The following TRRAP variants were observed in gnomAD, a reference collection of about 807,000 sequenced individuals.
TRRAP encodes transformation/transcription domain associated protein.
In TRRAP, 41 loss-of-function variants were observed where a neutral mutation model predicts 438.8. The observed-to-expected ratio is 0.09, with a 90% CI of 0.07 to 0.12. The LOEUF (loss-of-function observed/expected upper bound fraction) is 0.12. Among genes scored for constraint, TRRAP ranks in the 10% least tolerant of loss-of-function variants. TRRAP has a pLI of 1.00. For missense variants in TRRAP, 3,122 were observed against 5,055.1 expected, an observed-to-expected ratio of 0.62 and a Z score of 11.60; for synonymous variants, 1,994 against 1,962.9, an observed-to-expected ratio of 1.02 and a Z score of -0.42.
At chr7:98,880,193 G>A (rs941890322) in intron 1 of TRRAP, among the ~76,000 whole-genome samples, 5 of 151,800 alleles carry the variant, frequency 3.3e-5, no homozygotes, top group Non-Finnish European at 7.4e-5. Flanking sequence ...CTGAAGTTTG[G>A]AAACCAGTCA....
Position 98,910,320 on chromosome 7 carries a change from C to A in TRRAP, c.1615C>A (p.Gln539Lys), listed in dbSNP as rs1378801174. 7 of 1,609,752 alleles carry A rather than the reference C, an allele frequency of 4.3e-6. No individual in the cohort carries two copies. The highest frequency in any genetic ancestry group is 1.3e-5 in the African/African-American group (1 of 74,618). Residue 539 changes from glutamine (Q) to lysine (K), a missense_variant, in exon 15 of 73, where the codon CAG becomes AAG. Around this residue, in one of 24 missense-constraint regions of TRRAP, gnomAD observed 115 missense variants for 124.6 expected, o/e 0.92. Transcript: ENST00000456197. ...KQGEKDKEDK[Q>K]TFQVTDCRSL... ...AGGAGAAAAGGACAAGGAAGACAAG[C>A]AGACATTCCAAGTCACAGACTGTCG...
Position 99,011,578 on chromosome 7 carries a change from A to C in TRRAP, c.11337+43A>C. The C allele has an allele frequency of 1.3e-6, 2 of 1,586,886 alleles. No homozygotes were observed. Among genetic ancestry groups the C allele is most frequent in the South Asian group, 1.2e-5 (1 of 86,178 alleles). ...CCTATCACAGGCGCAGGCTAGAGCC[A>C]CTCAGATGCCCGCGCGTCACGGCCT... On this transcript the variant is annotated intron_variant, in intron 72 of 72. Transcript: ENST00000456197. This position sits in a 1 kb window ranked among gnomAD's most constrained non-coding sequence, Gnocchi z 7.1.
Position 98,992,241 on chromosome 7 carries a change from G to A in TRRAP, c.9847+14G>A, listed in dbSNP as rs1009156031. The A allele has an allele frequency of 6.2e-7, 1 of 1,613,478 alleles. No homozygotes were observed. Among genetic ancestry groups the A allele is most frequent in the Non-Finnish European group, 8.5e-7 (1 of 1,179,874 alleles). On this transcript the variant is annotated intron_variant, in intron 65 of 72. Coordinates refer to ENST00000456197, the MANE Select transcript of TRRAP (RefSeq NM_001375524.1). Reference sequence around the variant, plus strand: ...GCTACAAGAGCGGTACGTCTCGGGTGGGGCCGGTAGGCCAGGCCGGGAAGG... The same window carrying A: ...GCTACAAGAGCGGTACGTCTCGGGTAGGGCCGGTAGGCCAGGCCGGGAAGG...
intron 51 of TRRAP, among the ~76,000 whole-genome samples, chr7:98,967,918 A>G (rs1039281055): frequency 3.3e-5 from 5 of 152,216 alleles, no homozygotes; most frequent in African/African-American, 1.2e-4. Context: ...GTTGAATAGT[A>G]TATTTTTGTA....
At chr7:98,932,870 C>T (rs1790386664) in intron 26 of TRRAP, among the ~76,000 whole-genome samples, 1 of 152,128 alleles carries the variant, frequency 6.6e-6, no homozygotes, top group African/African-American at 2.4e-5. Flanking sequence ...GCTAGCTCTA[C>T]CGTTGTGCCT....
At position 98,929,975 on chromosome 7, in the gene TRRAP, A is replaced by G. The variant is rs1554412430; in HGVS notation, c.3176-14A>G. On this transcript the variant is annotated splice_polypyrimidine_tract_variant and intron_variant, in intron 23 of 72. Transcript: ENST00000456197. The stretch of plus-strand genomic sequence containing the variant: ...CAAGACTGTTCTCACGTGCCTTCCC[A>G]TCTCTCCTTTTAGGCCCTTTCTTGC... The G allele has an allele frequency of 6.2e-7, 1 of 1,613,424 alleles. No individual in the cohort carries two copies. The highest frequency in any genetic ancestry group is 8.5e-7 in the Non-Finnish European group (1 of 1,179,580).
rs2116514919 is a variant in TRRAP at position 98,931,333 on chromosome 7, G to A, written c.3592-72G>A. 3.8e-6 allele frequency: 6 copies of A among 1,568,836 alleles called. No individual in the cohort carries two copies. The Middle Eastern group carries it at 1.1e-3, about 287-fold the overall frequency. On this transcript the variant is annotated intron_variant, in intron 25 of 72. Transcript: ENST00000456197. ...CCAGTGACAGTCTTTATGGCAGACA[G>A]GTGTGCAGGAGACGGCAGTTGCAGT...
chr7:98,931,620 G>T lies in TRRAP; in HGVS notation c.3807G>T (p.Gln1269His). The T allele has an allele frequency of 1.2e-6, 2 of 1,614,202 alleles. No homozygotes were observed. Residue 1269 changes from glutamine (Q) to histidine (H), a missense_variant, in exon 26 of 73, where the codon CAG becomes CAT. Physicochemically the swap from Gln to His is conservative, Grantham distance 24 (BLOSUM62 0). Coordinates refer to ENST00000456197, the MANE Select transcript of TRRAP (RefSeq NM_001375524.1). Reference protein sequence around the residue: ...QAMHSLQVLAQVTGKSVTVIM... With the variant: ...QAMHSLQVLAHVTGKSVTVIM... Reference sequence around the variant, plus strand: ...TGCATTCGCTGCAGGTGTTGGCCCAGGTCACTGGGAAGAGTGTCACGGTGA... The same window carrying T: ...TGCATTCGCTGCAGGTGTTGGCCCATGTCACTGGGAAGAGTGTCACGGTGA...
rs545412438 is a variant in TRRAP, at chr7:98,970,694, A to G, written c.7692+403A>G. Among the ~76,000 whole-genome samples the G allele has an allele frequency of 2.9e-4, 44 of 152,126 alleles. 1 individual carries two copies. Among genetic ancestry groups the G allele is most frequent in the African/African-American group, 1.0e-3 (43 of 41,488 alleles). On this transcript the variant is annotated intron_variant, in intron 52 of 72. Coordinates refer to ENST00000456197, the MANE Select transcript of TRRAP (RefSeq NM_001375524.1). Reference sequence around the variant, plus strand: ...CATGAGCTAGTACTGCTGAGAACAGAACATTTCCCTGTGCCGTGATTTTTC... The same window carrying G: ...CATGAGCTAGTACTGCTGAGAACAGGACATTTCCCTGTGCCGTGATTTTTC...
At chr7:98,975,959 C>T (rs894331925) in intron 53 of TRRAP, 190 bp from the exon 54 acceptor site, 18 of 703,036 alleles carry the variant, frequency 2.6e-5, no homozygotes, top group African/African-American at 2.2e-4. Flanking sequence ...CTGCTAAGTG[C>T]ACCATGGCTT....
Position 98,962,363 on chromosome 7 carries a change from G to A in TRRAP, c.6765G>A (p.Lys2255=), listed in dbSNP as rs1791938136. 4 of 1,614,218 alleles carry A rather than the reference G, an allele frequency of 2.5e-6. No individual in the cohort carries two copies. In the South Asian group the frequency reaches 3.3e-5, roughly 13 times the overall value. The part of the protein sequence containing the change: ...ELECLYAAVG[K]VIYEGLTNYE... ...AGTGCCTCTACGCAGCCGTCGGAAA[G>A]GTCATCTATGAAGGGCTCACCAACT... The change falls in exon 47 of 73, where the codon AAG becomes AAA. Residue 2255 remains lysine, a synonymous_variant. Transcript: ENST00000456197.
chr7:98,968,100 C>G (rs1792239660), intron 51 of TRRAP, among the ~76,000 whole-genome samples: 1 of 151,878 alleles, frequency 6.6e-6, no homozygotes. Flanking sequence ...CTCACTGCAA[C>G]CTCTGCCTTC....
intron 14 of TRRAP, among the ~76,000 whole-genome samples, chr7:98,909,734 CT>C (rs1259069756): frequency 2.0e-5 from 3 of 152,186 alleles, no homozygotes; most frequent in Admixed American, 2.0e-4. Flanking sequence ...GTCACTCAGC[CT>C]TCCTGAGCCA....
rs769027273 is a variant in TRRAP, at chr7:98,976,986, A to C, written c.8295A>C (p.Glu2765Asp). The change falls in exon 56 of 73, where the codon GAA becomes GAC. Residue 2765 changes from glutamate to aspartate, a missense_variant. Physicochemically the swap from Glu to Asp is conservative, Grantham distance 45. Coordinates refer to ENST00000456197, the MANE Select transcript of TRRAP (RefSeq NM_001375524.1). This position sits in a 1 kb window ranked among gnomAD's most constrained non-coding sequence, Gnocchi z 4.6. ...LAELYSLLQEEDMWAGLWQKR... is the reference protein window; with the variant it reads ...LAELYSLLQEDDMWAGLWQKR... The stretch of plus-strand genomic sequence containing the variant: ...AGCTTTACTCCCTGTTACAAGAGGA[A>C]GATATGTGGGCTGGTCTGTGGCAGA... 1 of 1,614,186 alleles carries C rather than the reference A, an allele frequency of 6.2e-7. No individual in the cohort carries two copies. The highest frequency in any genetic ancestry group is 1.1e-5 in the South Asian group (1 of 91,082).
At chr7:98,985,145 A>G in intron 62 of TRRAP, 101 bp downstream of exon 62, 4 of 855,500 alleles carry the variant, frequency 4.7e-6, no homozygotes, top group Non-Finnish European at 7.4e-6. Context: ...AGAAATGGGT[A>G]TGATTTGGTG....
chr7:98,955,334 C>G, intron 41 of TRRAP, 30 bp downstream of exon 41: 1 of 1,577,122 alleles, frequency 6.3e-7, no homozygotes, highest in Non-Finnish European at 8.7e-7. Context: ...GGCTGCGGGG[C>G]GCGCGTCTTC....
intron 65 of TRRAP, among the ~76,000 whole-genome samples, chr7:98,993,103 A>AGATG (rs1286688330): frequency 2.0e-5 from 3 of 152,222 alleles, no homozygotes; most frequent in African/African-American, 4.8e-5. Flanking sequence ...AACTGCTTTT[A>AGATG]GATTCTCTGA....
chr7:98,899,964 A>G (rs1246035067), intron 10 of TRRAP, among the ~76,000 whole-genome samples, 197 bp downstream of exon 10: 1 of 152,202 alleles, frequency 6.6e-6, no homozygotes, highest in East Asian at 1.9e-4. Flanking sequence ...AGATGAGATA[A>G]TAGCTCGTAT....
Position 98,976,706 on chromosome 7 carries a change from T to C in TRRAP, c.8183T>C (p.Leu2728Pro), listed in dbSNP as rs771377190. ...EHQAFEKGLSLQIKPKQTTEF... is the reference protein window; with the variant it reads ...EHQAFEKGLSPQIKPKQTTEF... ...CAGGCTTTTGAAAAGGGTCTGAGTC[T>C]TCAGATTAAGCCGAAGCAAACAACG... is the stretch of plus-strand genomic sequence containing the variant. Residue 2728 changes from leucine (L) to proline (P), a missense_variant, in exon 55 of 73, where the codon CTT (leucine) becomes CCT (proline). Leu to Pro is a moderately conservative substitution (Grantham distance 98). Transcript: ENST00000456197. This position sits in a 1 kb window ranked among gnomAD's most constrained non-coding sequence, Gnocchi z 4.6. 6.2e-6 allele frequency: 10 copies of C among 1,614,122 alleles called. No homozygotes were observed. The Admixed American group carries it at 1.2e-4, about 19-fold the overall frequency.
Sources: allele counts gnomAD v4.1 joint callset (sites outside exome capture counted in the v4.1 genomes callset), GRCh38; gene constraint gnomAD v4.1.1; regional missense constraint gnomAD v4.1.1; non-coding constraint Gnocchi (gnomAD v3.1); transcripts MANE v1.5; gene names NCBI Gene and HGNC (gene_info 2026-07-23, HGNC 2026-07-21).